The following TRIO variants were observed in gnomAD, a reference collection of about 807,000 sequenced individuals.
TRIO encodes the protein trio Rho guanine nucleotide exchange factor.
In TRIO, 58 loss-of-function variants were observed where a neutral mutation model predicts 351.9. The observed-to-expected ratio is 0.16, with a 90% confidence interval of 0.13 to 0.21. The LOEUF is 0.21. Ranked by LOEUF, TRIO falls within the 10% of genes least tolerant of loss-of-function variation. The pLI is 1.00. For missense variants in TRIO, 3,201 were observed against 4,027.8 expected, an observed-to-expected ratio of 0.79 and a Z score of 5.56; for synonymous variants, 1,758 against 1,595.7, an observed-to-expected ratio of 1.10 and a Z score of -2.42.
chr5:14,297,816 C>T (rs1218784561), intron 7 of TRIO, among the ~76,000 whole-genome samples: 2 of 152,210 alleles, frequency 1.3e-5, no homozygotes, highest in African/African-American at 4.8e-5. Context: ...TGCTGGGCCT[C>T]CCCTCACAGT....
In TRIO at chr5:14,328,703, G is replaced by A. The variant is rs548602887; in HGVS notation, c.1732-2075G>A. ...TAAGATGCTTGACATAGAGGTCATC[G>A]AATGCTGACAACTACCTGTGACTGT... is the stretch of plus-strand genomic sequence containing the variant. On this transcript the variant is annotated intron_variant, in intron 9 of 56. Transcript: ENST00000344204. 2.4e-4 allele frequency among the ~76,000 whole-genome samples: 37 copies of A among 152,308 alleles called. No homozygotes were observed. In the South Asian group the frequency reaches 7.2e-3, roughly 30 times the overall value.
chr5:14,432,728 GA>G (rs1751268196), intron 34 of TRIO, among the ~76,000 whole-genome samples: 1 of 152,144 alleles, frequency 6.6e-6, no homozygotes, highest in African/African-American at 2.4e-5. Flanking sequence ...AATCACAAAG[GA>G]AAAGCCATTT....
intron 1 of TRIO, among the ~76,000 whole-genome samples, chr5:14,229,872 TCTG>T (rs1475922186): frequency 6.6e-6 from 1 of 152,220 alleles, no homozygotes; most frequent in African/African-American, 2.4e-5. Context: ...GAAATGCAGG[TCTG>T]CTATGAGAAT....
At chr5:14,416,597 G>A (rs548541834) in intron 33 of TRIO, among the ~76,000 whole-genome samples, 1 of 152,172 alleles carries the variant, frequency 6.6e-6, no homozygotes, top group South Asian at 2.1e-4. Flanking sequence ...TTCTTTGGCA[G>A]AACATCCTTG....
chr5:14,196,044 T>G (rs1342646061), intron 1 of TRIO, among the ~76,000 whole-genome samples: 3 of 152,222 alleles, frequency 2.0e-5, no homozygotes, highest in African/African-American at 4.8e-5. Flanking sequence ...GTTATTCTAA[T>G]TTGTTTTTCT....
In TRIO at chr5:14,482,741, A is replaced by C. The variant is rs1039871643; in HGVS notation, c.6625A>C (p.Met2209Leu). 4 of 1,606,276 alleles carry C rather than the reference A, an allele frequency of 2.5e-6. No individual in the cohort carries two copies. Among genetic ancestry groups the C allele is most frequent in the Non-Finnish European group, 3.4e-6 (4 of 1,175,732 alleles). ...ACTTGATAAAAAGAAGGGCTTCTCC[A>C]TGCCGGGATTCCTGTTTAAGAACAG... Reference protein sequence around the residue: ...EPLDKKKGFSMPGFLFKNSIK... With the variant: ...EPLDKKKGFSLPGFLFKNSIK... Residue 2209 changes from methionine to leucine, a missense_variant, in exon 46 of 57, where the codon ATG becomes CTG. Met to Leu is a conservative substitution (Grantham distance 15). This residue lies in a region of TRIO where 1,089 missense variants were observed against 954.9 expected (regional missense o/e 1.14). Transcript: ENST00000344204.
intron 1 of TRIO, among the ~76,000 whole-genome samples, chr5:14,202,035 C>T (rs1371929788): frequency 1.3e-5 from 2 of 151,210 alleles, no homozygotes; most frequent in South Asian, 2.1e-4. Flanking sequence ...AATTAATGGG[C>T]GCAGCACACC....
At chr5:14,437,017 A>G (rs982592508) in intron 34 of TRIO, among the ~76,000 whole-genome samples, 3 of 152,184 alleles carry the variant, frequency 2.0e-5, no homozygotes, top group Non-Finnish European at 2.9e-5. Flanking sequence ...ATGACTTTAC[A>G]TCATACTGAA....
chr5:14,435,853 C>T (rs1440277973), intron 34 of TRIO, among the ~76,000 whole-genome samples: 1 of 152,314 alleles, frequency 6.6e-6, no homozygotes, highest in African/African-American at 2.4e-5. Flanking sequence ...GTACCAGGCT[C>T]ATATTGTATT....
intron 34 of TRIO, among the ~76,000 whole-genome samples, chr5:14,442,900 A>C (rs1342883513): frequency 1.3e-5 from 2 of 152,230 alleles, no homozygotes; most frequent in Non-Finnish European, 2.9e-5. Context: ...AGTGGGAGTA[A>C]CAATAGAGCA....
intron 1 of TRIO, among the ~76,000 whole-genome samples, chr5:14,245,081 G>A (rs1233809363): frequency 6.6e-6 from 1 of 152,194 alleles, no homozygotes; most frequent in Non-Finnish European, 1.5e-5. Context: ...CGAGTCTTTT[G>A]AGTCAATGAA....
At position 14,343,246 on chromosome 5, in the gene TRIO, G is replaced by T. The variant is rs555961096; in HGVS notation, c.2046+6519G>T. Among the ~76,000 whole-genome samples the T allele has an allele frequency of 8.5e-5, 13 of 152,310 alleles. No homozygotes were observed. In the South Asian group the frequency reaches 2.5e-3, roughly 29 times the overall value. On this transcript the variant is annotated intron_variant, in intron 11 of 56. Transcript: ENST00000344204. The stretch of plus-strand genomic sequence containing the variant: ...TCAAGGCTTATTCACTTTCCGCGAG[G>T]TTTAGATGTGTATGTGTGCCCATGT...
intron 2 of TRIO, 119 bp from the exon 3 acceptor site, chr5:14,280,203 C>T: frequency 1.1e-6 from 1 of 879,498 alleles, no homozygotes; most frequent in East Asian, 2.6e-5. Flanking sequence ...ACAAGGACTT[C>T]TGCCCTGTGC....
intron 33 of TRIO, among the ~76,000 whole-genome samples, chr5:14,408,808 A>G (rs1256161905): frequency 6.6e-6 from 1 of 152,040 alleles, no homozygotes; most frequent in Non-Finnish European, 1.5e-5. Context: ...CATTCTTAAG[A>G]TAAACTCCTA....
intron 27 of TRIO, among the ~76,000 whole-genome samples, chr5:14,392,353 G>C (rs1337858734): frequency 6.6e-6 from 1 of 152,156 alleles, no homozygotes; most frequent in East Asian, 1.9e-4. Flanking sequence ...CTGGTCATTA[G>C]AGAATGCAGA....
intron 2 of TRIO, among the ~76,000 whole-genome samples, chr5:14,275,985 T>C (rs1021552880): frequency 6.7e-6 from 1 of 148,606 alleles, no homozygotes; most frequent in Non-Finnish European, 1.5e-5. Context: ...CATATATATA[T>C]ATACACACAC....
At chr5:14,163,724 A>C (rs1788608249) in intron 1 of TRIO, among the ~76,000 whole-genome samples, 1 of 152,234 alleles carries the variant, frequency 6.6e-6, no homozygotes, top group Non-Finnish European at 1.5e-5. Flanking sequence ...ATTTCAAATT[A>C]ACAAAATCAT....
chr5:14,202,433 G>T (rs1210961960), intron 1 of TRIO, among the ~76,000 whole-genome samples: 1 of 148,894 alleles, frequency 6.7e-6, no homozygotes, highest in Non-Finnish European at 1.5e-5. Context: ...GGACACTCCT[G>T]ACCTACTATG....
intron 9 of TRIO, among the ~76,000 whole-genome samples, chr5:14,318,630 A>G (rs1739595389): frequency 6.6e-6 from 1 of 152,220 alleles, no homozygotes; most frequent in South Asian, 2.1e-4. Flanking sequence ...CCAAGAAGAT[A>G]ATTGCCAGAG....
Sources: allele counts gnomAD v4.1 joint callset (sites outside exome capture counted in the v4.1 genomes callset), GRCh38; gene constraint gnomAD v4.1.1; regional missense constraint gnomAD v4.1.1; transcripts MANE v1.5; gene names NCBI Gene and HGNC (gene_info 2026-07-23, HGNC 2026-07-21).